FIP1L1: variants seen among roughly 807,000 people sequenced by gnomAD.
FIP1L1 encodes factor interacting with PAPOLA and CPSF1, also known as pre-mRNA 3'-end-processing factor FIP1.
In FIP1L1, 21 loss-of-function variants were observed where a neutral mutation model predicts 84.6. The observed-to-expected ratio is 0.25, with a 90% CI of 0.18 to 0.36. The LOEUF (loss-of-function observed/expected upper bound fraction) is 0.36, where lower values mean the gene tolerates loss of function less well. Ranked by LOEUF, FIP1L1 falls within the 10% of genes least tolerant of loss-of-function variation. The probability of loss-of-function intolerance (pLI) is 1.00; values close to 1 mark genes in which losing one functional copy is unlikely to be tolerated. For synonymous variants in FIP1L1, 263 were observed against 242.3 expected (o/e 1.09, Z -0.80); for missense variants, 526 against 751.1 (o/e 0.70, Z 3.50).
intron 10 of FIP1L1, among the ~76,000 whole-genome samples, chr4:53,414,050 C>T (rs1056870265): frequency 5.3e-5 from 8 of 152,132 alleles, no homozygotes; most frequent in African/African-American, 1.9e-4. Context: ...TTGCAAATAT[C>T]TGAACTTTTT....
chr4:53,409,574 C>T (rs759840297), intron 10 of FIP1L1, among the ~76,000 whole-genome samples: 1 of 152,218 alleles, frequency 6.6e-6, no homozygotes, highest in African/African-American at 2.4e-5. Flanking sequence ...GTCTTTTTGT[C>T]TGTGCCCTGC....
chr4:53,443,372 AAT>A (rs34255834), intron 14 of FIP1L1, among the ~76,000 whole-genome samples: 84,272 of 151,830 alleles, frequency 0.56, 25,227 homozygotes, highest in Non-Finnish European at 0.67. Context: ...AAGGCTACTG[AAT>A]ATAAAGTGCA....
intron 13 of FIP1L1, among the ~76,000 whole-genome samples, chr4:53,441,710 G>A (rs1301537789): frequency 2.0e-5 from 3 of 151,910 alleles, no homozygotes; most frequent in African/African-American, 7.2e-5. Flanking sequence ...TACTAAAACG[G>A]AGGCTTAGTG....
intron 5 of FIP1L1, among the ~76,000 whole-genome samples, chr4:53,389,035 T>TA (rs1456527864): frequency 4.6e-5 from 7 of 152,232 alleles, no homozygotes; most frequent in Admixed American, 3.9e-4. Flanking sequence ...TACATTCATG[T>TA]AACTACAGCC....
Position 53,394,046 on chromosome 4 carries a change from C to T in FIP1L1, c.705+2548C>T, listed in dbSNP as rs574496514. Among the ~76,000 whole-genome samples the T allele has an allele frequency of 2.0e-5, 3 of 150,746 alleles. No individual in the cohort carries two copies. In the South Asian group the frequency reaches 6.3e-4, roughly 32 times the overall value. ...CCATTATCTGGGAGAATTTTTTATT[C>T]TTATAATGTTATTGTACTTAGTTTT... is the stretch of plus-strand genomic sequence containing the variant. On this transcript the variant is annotated intron_variant, in intron 9 of 17. Coordinates refer to ENST00000337488, the MANE Select transcript of FIP1L1 (RefSeq NM_030917.4).
intron 3 of FIP1L1, among the ~76,000 whole-genome samples, chr4:53,380,990 C>G (rs1335929385): frequency 6.6e-6 from 1 of 152,092 alleles, no homozygotes; most frequent in African/African-American, 2.4e-5. Context: ...ACACAACTTG[C>G]TAAAATTTAT....
At chr4:53,390,174 A>G (rs1560493633) in intron 6 of FIP1L1, among the ~76,000 whole-genome samples, 1 of 152,126 alleles carries the variant, frequency 6.6e-6, no homozygotes, top group Non-Finnish European at 1.5e-5. Context: ...TTTCGAGCTT[A>G]AGTGATCTAC....
intron 4 of FIP1L1, 29 bp downstream of exon 4, chr4:53,382,364 T>G: frequency 6.3e-7 from 1 of 1,577,624 alleles, no homozygotes; most frequent in Non-Finnish European, 8.7e-7. Context: ...ATCCAGTTAC[T>G]GATACAAATC....
intron 3 of FIP1L1, among the ~76,000 whole-genome samples, chr4:53,381,960 G>A (rs1487472890): frequency 1.3e-5 from 2 of 150,474 alleles, no homozygotes; most frequent in African/African-American, 4.9e-5. Context: ...TAGTAGAGAC[G>A]GGGTTTTACC....
chr4:53,383,941 T>TCAAACC, intron 5 of FIP1L1, 65 bp downstream of exon 5: 1 of 1,413,220 alleles, frequency 7.1e-7, no homozygotes, highest in South Asian at 1.4e-5. Flanking sequence ...TGTGCCTATA[T>TCAAACC]CAAACTCTCA....
chr4:53,441,162 T>C (rs1318352338), intron 13 of FIP1L1, among the ~76,000 whole-genome samples: 4 of 152,034 alleles, frequency 2.6e-5, no homozygotes, highest in Admixed American at 2.6e-4. Context: ...TTTATTTATT[T>C]ATTTATTTAT....
At chr4:53,447,386 TA>T in intron 15 of FIP1L1, among the ~76,000 whole-genome samples, 1 of 152,154 alleles carries the variant, frequency 6.6e-6, no homozygotes, top group Non-Finnish European at 1.5e-5. Context: ...TCTACTGTGG[TA>T]AAATGAGAAT....
intron 11 of FIP1L1, among the ~76,000 whole-genome samples, chr4:53,421,807 C>T (rs1762526176): frequency 6.6e-6 from 1 of 152,136 alleles, no homozygotes; most frequent in Non-Finnish European, 1.5e-5. Flanking sequence ...TGAAAATTTG[C>T]TATAAACTCT....
intron 13 of FIP1L1, among the ~76,000 whole-genome samples, chr4:53,441,147 TTTTATTTA>T (rs533161734): frequency 5.3e-5 from 8 of 151,714 alleles, no homozygotes; most frequent in African/African-American, 1.2e-4. Flanking sequence ...TGGCCCAGTG[TTTTATTTA>T]TTTATTTATT....
At chr4:53,444,920 A>G (rs904159356) in intron 15 of FIP1L1, among the ~76,000 whole-genome samples, 1 of 152,176 alleles carries the variant, frequency 6.6e-6, no homozygotes, top group African/African-American at 2.4e-5. Context: ...GCTTGCCCTC[A>G]TAAAAGTTAT....
chr4:53,389,735 C>A, intron 5 of FIP1L1, 74 bp from the exon 6 acceptor site: 5 of 1,117,752 alleles, frequency 4.5e-6, no homozygotes, highest in African/African-American at 1.6e-5. Context: ...TTTGTTTGTA[C>A]AAATGGAATA....
intron 10 of FIP1L1, among the ~76,000 whole-genome samples, chr4:53,401,225 A>G (rs567362231): frequency 1.1e-4 from 16 of 152,350 alleles, no homozygotes; most frequent in South Asian, 2.1e-4. Flanking sequence ...TTAAAAATCA[A>G]TAGTTTTTCT....
chr4:53,426,563 G>T (rs1478977318), intron 12 of FIP1L1, among the ~76,000 whole-genome samples: 1 of 151,902 alleles, frequency 6.6e-6, no homozygotes, highest in Non-Finnish European at 1.5e-5. Flanking sequence ...CTTGTATATA[G>T]GTTTACTGAA....
rs370931474 is a variant in FIP1L1 at position 53,379,083 on chromosome 4, C to T, written c.96C>T (p.Asp32=). Reference sequence around the variant, plus strand: ...TGGATGTGCTTATAGGCCCATGGGACGTGCATGTGCACAGTGATTTGGCAA... The same window carrying T: ...TGGATGTGCTTATAGGCCCATGGGATGTGCATGTGCACAGTGATTTGGCAA... ...EEEWLYGGPW[D]VHVHSDLAKD... The change falls in exon 2 of 18, where the codon GAC becomes GAT. Residue 32 remains aspartate, a synonymous_variant. Coordinates refer to ENST00000337488, the MANE Select transcript of FIP1L1 (RefSeq NM_030917.4). The T allele has an allele frequency of 3.1e-6, 5 of 1,613,822 alleles. No individual in the cohort carries two copies. Among genetic ancestry groups the T allele is most frequent in the East Asian group, 2.2e-5 (1 of 44,874 alleles).
Sources: gnomAD v4.1 joint callset for allele counts (sites outside exome capture counted in the v4.1 genomes callset) on GRCh38, gnomAD v4.1.1 for gene constraint, MANE v1.5 for transcripts, NCBI Gene and HGNC (gene_info 2026-07-23, HGNC 2026-07-21) for gene names.